NF2: variants seen among roughly 807,000 people sequenced by gnomAD.
NF2 encodes the protein merlin.
NF2 carries 8 observed loss-of-function variants against 83.7 expected under a neutral mutation model. The ratio of observed to expected loss-of-function variants is 0.10; its 90% confidence interval spans 0.06 to 0.17. NF2 has a LOEUF of 0.17. NF2 is among the 10% of genes least tolerant of loss of function. The pLI is 1.00. For synonymous variants in NF2, 266 were observed against 269.6 expected (o/e 0.99, Z 0.13); for missense variants, 533 against 744.4 (o/e 0.72, Z 3.31).
In NF2 at chr22:29,678,160, G is replaced by T; in HGVS notation, c.1447-36G>T. The T allele has an allele frequency of 1.9e-6, 3 of 1,612,694 alleles. No homozygotes were observed. In the South Asian group the frequency reaches 3.3e-5, roughly 18 times the overall value. On this transcript the variant is annotated intron_variant, in intron 13 of 15. Transcript: ENST00000338641. The stretch of plus-strand genomic sequence containing the variant: ...CAGTAGTGTCCTTCTGTGCTTGTAT[G>T]ACCCAAGCTCCTAATCCGAAATTTC...
At chr22:29,667,187 A>T (rs1204597749) in intron 9 of NF2, among the ~76,000 whole-genome samples, 3 of 151,612 alleles carry the variant, frequency 2.0e-5, no homozygotes, top group African/African-American at 7.3e-5. Context: ...GCCTTTTAAA[A>T]TTTTTGCCAA....
intron 15 of NF2, among the ~76,000 whole-genome samples, chr22:29,690,886 T>C (rs1047135036): frequency 2.0e-5 from 3 of 152,232 alleles, no homozygotes; most frequent in South Asian, 2.1e-4. Context: ...CCCAAGGAAC[T>C]GGGCCTGGCT....
At chr22:29,614,694 A>G (rs879654702) in intron 1 of NF2, among the ~76,000 whole-genome samples, 7 of 151,704 alleles carry the variant, frequency 4.6e-5, no homozygotes, top group Non-Finnish European at 1.0e-4. Flanking sequence ...AGATCACGCC[A>G]TTGCACTCTA....
At chr22:29,645,462 T>TTGAG (rs2065957234) in intron 4 of NF2, among the ~76,000 whole-genome samples, 1 of 152,192 alleles carries the variant, frequency 6.6e-6, no homozygotes, top group African/African-American at 2.4e-5. Context: ...AAATGGGCCC[T>TTGAG]CATTCAACTA....
intron 1 of NF2, among the ~76,000 whole-genome samples, chr22:29,631,308 C>A (rs1375346857): frequency 2.0e-5 from 3 of 152,150 alleles, no homozygotes; most frequent in African/African-American, 7.2e-5. Context: ...GCTCAACTAC[C>A]CCCCTGGCTT....
At chr22:29,651,067 TG>T (rs1250104481) in intron 4 of NF2, among the ~76,000 whole-genome samples, 26 of 152,252 alleles carry the variant, frequency 1.7e-4, no homozygotes, top group African/African-American at 6.3e-4. Context: ...TGTTATGTTT[TG>T]TTCTGGTATT....
intron 2 of NF2, among the ~76,000 whole-genome samples, chr22:29,637,978 C>T (rs1211521348): frequency 6.6e-6 from 1 of 152,156 alleles, no homozygotes. Flanking sequence ...TGATTCTTAG[C>T]AAAGTGAATT....
At chr22:29,612,761 T>C (rs2857634) in intron 1 of NF2, among the ~76,000 whole-genome samples, 138,126 of 152,226 alleles carry the variant, frequency 0.91, 62,854 homozygotes, top group African/African-American at 0.97. Context: ...TCTACACGTT[T>C]GACATAATCC....
intron 1 of NF2, among the ~76,000 whole-genome samples, chr22:29,630,014 C>T (rs1215928530): frequency 6.6e-6 from 1 of 152,204 alleles, no homozygotes; most frequent in Non-Finnish European, 1.5e-5. Context: ...TTCTTACTCA[C>T]CCCGCACTGT....
intron 1 of NF2, among the ~76,000 whole-genome samples, chr22:29,630,205 C>T (rs1017724627): frequency 2.0e-5 from 3 of 152,316 alleles, no homozygotes; most frequent in East Asian, 1.9e-4. Context: ...GTTAATAGAA[C>T]TCAATCAGTC....
At chr22:29,644,887 G>A (rs920453811) in intron 4 of NF2, among the ~76,000 whole-genome samples, 4 of 152,106 alleles carry the variant, frequency 2.6e-5, no homozygotes, top group Admixed American at 6.5e-5. Flanking sequence ...TCCAGCTTTG[G>A]CTCGGCATGA....
intron 9 of NF2, among the ~76,000 whole-genome samples, chr22:29,665,730 C>A (rs1267395073): frequency 6.9e-6 from 1 of 144,746 alleles, no homozygotes; most frequent in Admixed American, 7.1e-5. Flanking sequence ...TTTGGGTGGC[C>A]GAGACGGGTG....
chr22:29,642,335 A>G (rs1018263855), intron 4 of NF2, 50 bp downstream of exon 4: 8 of 1,420,206 alleles, frequency 5.6e-6, no homozygotes, highest in Non-Finnish European at 8.0e-6. Context: ...AATTTGGGTC[A>G]TGGGATCACT....
In NF2 at chr22:29,693,887, A is replaced by T. The variant is rs145016519; in HGVS notation, c.1738-865A>T. ...CCGGAGCTGGAAATGGAACACAGTCACACCCAAGGCATTGATTTCAGGAGT... is the reference window on the plus strand; with the variant it reads ...CCGGAGCTGGAAATGGAACACAGTCTCACCCAAGGCATTGATTTCAGGAGT... On this transcript the variant is annotated intron_variant, in intron 15 of 15. Transcript: ENST00000338641. Among the ~76,000 whole-genome samples the T allele has an allele frequency of 1.2e-4, 18 of 152,328 alleles. No homozygotes were observed. In the East Asian group the frequency reaches 2.5e-3, roughly 21 times the overall value.
intron 4 of NF2, among the ~76,000 whole-genome samples, chr22:29,649,127 A>T (rs1401486795): frequency 6.6e-6 from 1 of 151,604 alleles, no homozygotes; most frequent in Non-Finnish European, 1.5e-5. Flanking sequence ...GAACATTTAA[A>T]ATGTAAGTAA....
chr22:29,610,033 TAG>T (rs3074485), intron 1 of NF2, among the ~76,000 whole-genome samples: 65 of 148,178 alleles, frequency 4.4e-4, no homozygotes, highest in South Asian at 8.6e-4. Flanking sequence ...AATAAATAAT[TAG>T]AGAGAGAGAG....
chr22:29,663,662 A>G (rs1406966270), intron 8 of NF2, among the ~76,000 whole-genome samples: 3 of 152,244 alleles, frequency 2.0e-5, no homozygotes, highest in East Asian at 3.8e-4. Flanking sequence ...ACTGCTTCTA[A>G]GTTAACTTGG....
intron 1 of NF2, among the ~76,000 whole-genome samples, chr22:29,634,964 T>C (rs1434601206): frequency 6.6e-6 from 1 of 152,200 alleles, no homozygotes; most frequent in Admixed American, 6.5e-5. Context: ...TCAATCTTTA[T>C]AGTGTTCCAG....
intron 1 of NF2, among the ~76,000 whole-genome samples, chr22:29,619,427 C>T (rs1271900238): frequency 5.3e-5 from 8 of 150,688 alleles, no homozygotes; most frequent in Non-Finnish European, 1.0e-4. Context: ...GATGGAGTCT[C>T]GCTCTGTTGC....
Sources: gnomAD v4.1 joint callset for allele counts (sites outside exome capture counted in the v4.1 genomes callset) on GRCh38, gnomAD v4.1.1 for gene constraint, MANE v1.5 for transcripts, NCBI Gene and HGNC (gene_info 2026-07-23, HGNC 2026-07-21) for gene names.